DIAPH3: variants seen among roughly 807,000 people sequenced by gnomAD.
DIAPH3 encodes the protein diaphanous related formin 3, also known as protein diaphanous homolog 3.
A neutral mutation model predicts 144.3 loss-of-function variants in DIAPH3; 117 were observed. The ratio of observed to expected loss-of-function variants is 0.81; its 90% confidence interval spans 0.70 to 0.95. The LOEUF (loss-of-function observed/expected upper bound fraction) is 0.95. Ranked by LOEUF, DIAPH3 falls within the 40% of genes least tolerant of loss-of-function variation. The pLI is 0.00. For missense variants in DIAPH3, 1,421 were observed against 1,412.7 expected, an observed-to-expected ratio of 1.01 and a Z score of -0.09; for synonymous variants, 519 against 488.9, an observed-to-expected ratio of 1.06 and a Z score of -0.81.
At chr13:60,018,905 T>C (rs1381807615) in intron 5 of DIAPH3, among the ~76,000 whole-genome samples, 1 of 152,120 alleles carries the variant, frequency 6.6e-6, no homozygotes, top group Non-Finnish European at 1.5e-5. Flanking sequence ...ACTAAAAAGA[T>C]TAAAAATTAA....
chr13:59,821,133 T>C (rs2041048942), intron 24 of DIAPH3, among the ~76,000 whole-genome samples: 1 of 152,024 alleles, frequency 6.6e-6, no homozygotes, highest in Admixed American at 6.6e-5. Flanking sequence ...CAAAAATCTT[T>C]ACTTTTTCCT....
At chr13:60,007,735 G>A (rs1359716306) in intron 9 of DIAPH3, among the ~76,000 whole-genome samples, 2 of 152,062 alleles carry the variant, frequency 1.3e-5, no homozygotes, top group Non-Finnish European at 2.9e-5. Context: ...AAAAGAAAGA[G>A]AAATTAAATG....
chr13:60,038,164 A>G (rs1343107502), intron 5 of DIAPH3, among the ~76,000 whole-genome samples: 1 of 152,094 alleles, frequency 6.6e-6, no homozygotes, highest in Non-Finnish European at 1.5e-5. Context: ...TTAAAAAGGG[A>G]TGAAAGGAAG....
intron 20 of DIAPH3, among the ~76,000 whole-genome samples, chr13:59,886,190 A>G: frequency 6.6e-6 from 1 of 152,064 alleles, no homozygotes; most frequent in East Asian, 1.9e-4. Flanking sequence ...TCCGTACTCC[A>G]TTCCTCTAAT....
At chr13:60,137,762 T>A (rs1440735350) in intron 1 of DIAPH3, among the ~76,000 whole-genome samples, 2 of 148,850 alleles carry the variant, frequency 1.3e-5, no homozygotes, top group Admixed American at 6.8e-5. Flanking sequence ...TTTTTTTTTT[T>A]AGACACAGTC....
At chr13:60,006,987 A>G (rs2052911870) in intron 9 of DIAPH3, among the ~76,000 whole-genome samples, 1 of 152,168 alleles carries the variant, frequency 6.6e-6, no homozygotes, top group South Asian at 2.1e-4. Context: ...CTCACTGGCT[A>G]TTCACTAACA....
intron 5 of DIAPH3, among the ~76,000 whole-genome samples, chr13:60,032,814 T>C (rs571613632): frequency 6.6e-6 from 1 of 152,266 alleles, no homozygotes; most frequent in African/African-American, 2.4e-5. Flanking sequence ...ACAGCCTTCT[T>C]GAGTTCCTCT....
intron 27 of DIAPH3, among the ~76,000 whole-genome samples, chr13:59,693,516 T>C (rs2033645622): frequency 1.3e-5 from 2 of 152,148 alleles, no homozygotes; most frequent in Admixed American, 6.5e-5. Context: ...GTAAAGACAA[T>C]TTAAAGTAGA....
intron 27 of DIAPH3, among the ~76,000 whole-genome samples, chr13:59,745,681 T>C (rs1415161693): frequency 7.9e-5 from 12 of 152,172 alleles, no homozygotes; most frequent in Admixed American, 7.9e-4. Flanking sequence ...TTATACTAGC[T>C]AGGGAAGGCA....
intron 27 of DIAPH3, among the ~76,000 whole-genome samples, chr13:59,670,264 A>G (rs1029739196): frequency 1.3e-5 from 2 of 152,200 alleles, no homozygotes; most frequent in African/African-American, 2.4e-5. Context: ...GAAAGAGGCC[A>G]TTCCTGAGAC....
At chr13:59,688,423 A>C (rs1251613418) in intron 27 of DIAPH3, among the ~76,000 whole-genome samples, 1 of 152,122 alleles carries the variant, frequency 6.6e-6, no homozygotes, top group African/African-American at 2.4e-5. Flanking sequence ...CAAAAAGTGG[A>C]TCAATTGAAC....
intron 15 of DIAPH3, among the ~76,000 whole-genome samples, chr13:59,973,426 TA>T (rs544600427): frequency 2.7e-3 from 401 of 146,992 alleles, no homozygotes; most frequent in Non-Finnish European, 4.3e-3. Flanking sequence ...ATGGGAAAGA[TA>T]AAAAAAAAAA....
At chr13:59,944,761 G>T in intron 17 of DIAPH3, among the ~76,000 whole-genome samples, 1 of 143,162 alleles carries the variant, frequency 7.0e-6, no homozygotes, top group Non-Finnish European at 1.5e-5. Flanking sequence ...ACACTAACTT[G>T]TTTCTAGCAA....
chr13:60,071,900 A>T (rs1293278153), intron 4 of DIAPH3, among the ~76,000 whole-genome samples: 1 of 151,584 alleles, frequency 6.6e-6, no homozygotes, highest in Non-Finnish European at 1.5e-5. Context: ...CTCCCTAGTG[A>T]CTCCTTTTCT....
At position 60,147,106 on chromosome 13, in the gene DIAPH3, G is replaced by A. The variant is rs1951564024; in HGVS notation, c.181-14117C>T. On this transcript the variant is annotated intron_variant, in intron 1 of 27. Transcript: ENST00000400324. ...TATAAGAAACACCTGACTCACAGGT[G>A]AAGCCTCCAAGGCCCATAGGTAGTC... 3.3e-5 allele frequency: 5 copies of A among 152,180 alleles called. No homozygotes were observed. The South Asian group carries it at 6.2e-4, about 19-fold the overall frequency. 9.4% of individuals were successfully genotyped at this position (152,180 alleles called of 1,614,324 possible). A position where few individuals can be genotyped will look rare whatever the true frequency, so the allele number is the denominator to read the frequency against.
chr13:59,682,878 G>A (rs1242393443), intron 27 of DIAPH3, among the ~76,000 whole-genome samples: 2 of 152,136 alleles, frequency 1.3e-5, no homozygotes, highest in Admixed American at 1.3e-4. Context: ...TCATACTCAA[G>A]TCTAGTGATG....
chr13:59,765,086 A>G (rs2037801730), intron 27 of DIAPH3, among the ~76,000 whole-genome samples: 1 of 152,174 alleles, frequency 6.6e-6, no homozygotes, highest in Non-Finnish European at 1.5e-5. Flanking sequence ...CCCAGGGACA[A>G]AAGGAGGTAA....
At chr13:59,935,812 CAGGATATTTTACT>C (rs1420810881) in intron 17 of DIAPH3, among the ~76,000 whole-genome samples, 3 of 152,068 alleles carry the variant, frequency 2.0e-5, no homozygotes, top group African/African-American at 7.2e-5. Flanking sequence ...CATAACTAAT[CAGGATATTTTACT>C]AGCAAAAAGA....
chr13:60,052,300 A>C (rs1364393606), intron 4 of DIAPH3, among the ~76,000 whole-genome samples: 1 of 152,218 alleles, frequency 6.6e-6, no homozygotes, highest in Non-Finnish European at 1.5e-5. Flanking sequence ...TAGACAGTGC[A>C]CAGGAAAGGA....
Sources: gnomAD v4.1 joint callset for allele counts (sites outside exome capture counted in the v4.1 genomes callset) on GRCh38, gnomAD v4.1.1 for gene constraint, MANE v1.5 for transcripts, NCBI Gene and HGNC (gene_info 2026-07-23, HGNC 2026-07-21) for gene names.